The following WWOX variants were observed in gnomAD, a reference collection of about 807,000 sequenced individuals.
The protein encoded by WWOX is WW domain-containing oxidoreductase.
WWOX carries 69 observed loss-of-function variants against 46.2 expected under a neutral mutation model. The observed-to-expected ratio is 1.49, with a 90% CI of 1.23 to 1.82. The LOEUF (loss-of-function observed/expected upper bound fraction) is 1.82, where lower values mean the gene tolerates loss of function less well. WWOX is among the 40% of genes most tolerant of loss of function. WWOX has a pLI of 0.00. For synonymous variants in WWOX, 359 were observed against 202.6 expected (o/e 1.77, Z -6.56); for missense variants, 919 against 542.6 (o/e 1.69, Z -6.89).
At chr16:79,052,416 G>A (rs2048185693) in intron 8 of WWOX, among the ~76,000 whole-genome samples, 1 of 152,250 alleles carries the variant, frequency 6.6e-6, no homozygotes, top group Admixed American at 6.5e-5. Flanking sequence ...ATATGTGCCA[G>A]CCATCCCGTT....
At chr16:78,130,232 C>G (rs1157928574) in intron 4 of WWOX, 1 of 152,142 alleles carries the variant, frequency 6.6e-6, no homozygotes, top group Admixed American at 6.6e-5. Flanking sequence ...AATACAGGGG[C>G]CTCTGGGAGG....
At chr16:78,552,587 C>T (rs1425488517) in intron 8 of WWOX, 5 of 152,120 alleles carry the variant, frequency 3.3e-5, no homozygotes, top group African/African-American at 1.2e-4. Context: ...GTCAGATTTC[C>T]GCATTCAGAA....
chr16:78,163,085 A>G (rs2034849488), intron 4 of WWOX, among the ~76,000 whole-genome samples: 2 of 152,082 alleles, frequency 1.3e-5, no homozygotes, highest in South Asian at 2.1e-4. Flanking sequence ...CTGTGCATTT[A>G]TTTCCATTTG....
rs113686095 is a variant in WWOX, at chr16:78,672,499, A to G, written c.1056+239747A>G. Among the ~76,000 whole-genome samples, 7 of 152,332 alleles carry G rather than the reference A, an allele frequency of 4.6e-5. 1 individual carries two copies. The highest frequency in any genetic ancestry group is 1.7e-4 in the African/African-American group (7 of 41,586). On this transcript the variant is annotated intron_variant, in intron 8 of 8. Coordinates refer to ENST00000566780, the MANE Select transcript of WWOX (RefSeq NM_016373.4). ...TGTGATCATTCAGGCATGCACAGGTATCCTGATGGGTAGCCAGGTCATTAG... is the reference window on the plus strand; with the variant it reads ...TGTGATCATTCAGGCATGCACAGGTGTCCTGATGGGTAGCCAGGTCATTAG...
chr16:78,626,241 C>T (rs958849191), intron 8 of WWOX, among the ~76,000 whole-genome samples: 5 of 152,018 alleles, frequency 3.3e-5, no homozygotes, highest in South Asian at 4.2e-4. Flanking sequence ...AGTGATTCTC[C>T]TGCCTCAGCC....
intron 5 of WWOX, chr16:78,269,101 C>T (rs1033126021): frequency 3.9e-5 from 6 of 152,176 alleles, no homozygotes; most frequent in Non-Finnish European, 5.9e-5. Context: ...TTAAATCATT[C>T]CTTTACAGAG....
rs143296285 is a variant in WWOX at position 79,013,055 on chromosome 16, C to G, written c.1057-198553C>G. On this transcript the variant is annotated intron_variant, in intron 8 of 8. Coordinates refer to ENST00000566780, the MANE Select transcript of WWOX (RefSeq NM_016373.4). ...CTGCATGTCAGCCTGAGCAACAGAG[C>G]AAGACTCCGTTTCACAAAAAAAGGA... 2.0e-5 allele frequency among the ~76,000 whole-genome samples: 3 copies of G among 152,288 alleles called. No homozygotes were observed. The East Asian group carries it at 5.8e-4, about 29-fold the overall frequency.
chr16:78,718,955 C>A (rs973458206), intron 8 of WWOX, among the ~76,000 whole-genome samples: 1 of 151,398 alleles, frequency 6.6e-6, no homozygotes, highest in Non-Finnish European at 1.5e-5. Context: ...ATAATCTGCA[C>A]TAACCACTCA....
chr16:78,196,674 C>A (rs943707004), intron 5 of WWOX, among the ~76,000 whole-genome samples: 16 of 152,194 alleles, frequency 1.1e-4, no homozygotes, highest in Non-Finnish European at 1.5e-4. Flanking sequence ...GGGAAAAGCA[C>A]AGCCTTGCAA....
chr16:78,480,128 C>A (rs531354054), intron 8 of WWOX, among the ~76,000 whole-genome samples: 1 of 152,150 alleles, frequency 6.6e-6, no homozygotes, highest in Non-Finnish European at 1.5e-5. Flanking sequence ...ATGGTAGCCA[C>A]GTGTGACTAT....
chr16:78,915,733 C>G (rs928350697), intron 8 of WWOX, among the ~76,000 whole-genome samples: 3 of 152,062 alleles, frequency 2.0e-5, no homozygotes, highest in African/African-American at 4.8e-5. Flanking sequence ...ATCCCGTCAT[C>G]TGCCTTGATC....
chr16:79,207,932 C>T (rs2051574302), intron 8 of WWOX, among the ~76,000 whole-genome samples: 1 of 152,138 alleles, frequency 6.6e-6, no homozygotes, highest in Non-Finnish European at 1.5e-5. Context: ...AAAGCAGCTA[C>T]TTAACATTTT....
chr16:78,336,270 CA>C (rs2080885285), intron 5 of WWOX, among the ~76,000 whole-genome samples: 1 of 145,564 alleles, frequency 6.9e-6, no homozygotes, highest in African/African-American at 2.6e-5. Context: ...GTCAAGAATT[CA>C]AAACCAGCCT....
At chr16:79,179,620 A>T (rs905475949) in intron 8 of WWOX, among the ~76,000 whole-genome samples, 4 of 152,224 alleles carry the variant, frequency 2.6e-5, no homozygotes, top group Non-Finnish European at 5.9e-5. Context: ...TTGAGTGACC[A>T]TGTGGAGCAG....
chr16:78,805,117 A>C (rs2050995130), intron 8 of WWOX, among the ~76,000 whole-genome samples: 4 of 151,152 alleles, frequency 2.6e-5, no homozygotes, highest in Admixed American at 2.6e-4. Context: ...ATCACTACCA[A>C]AATATCAAAA....
intron 5 of WWOX, among the ~76,000 whole-genome samples, chr16:78,287,162 A>G (rs572567187): frequency 6.6e-6 from 1 of 152,388 alleles, no homozygotes; most frequent in Admixed American, 6.5e-5. Flanking sequence ...CGCCATAAGG[A>G]CAATAAAATA....
chr16:78,505,916 G>A (rs2085190890), intron 8 of WWOX, among the ~76,000 whole-genome samples: 1 of 152,142 alleles, frequency 6.6e-6, no homozygotes, highest in African/African-American at 2.4e-5. Context: ...ATGTGATTTG[G>A]AGAGAGAAGG....
intron 8 of WWOX, among the ~76,000 whole-genome samples, chr16:78,686,404 G>C (rs985366457): frequency 6.6e-6 from 1 of 152,092 alleles, no homozygotes; most frequent in Non-Finnish European, 1.5e-5. Context: ...CCAGCTAGTC[G>C]GGAGGCCGAG....
intron 6 of WWOX, among the ~76,000 whole-genome samples, chr16:78,403,793 T>A (rs1209846220): frequency 6.6e-6 from 1 of 152,210 alleles, no homozygotes; most frequent in East Asian, 1.9e-4. Flanking sequence ...GTCAAGTAAT[T>A]TACTGCCAGC....
Sources: allele counts gnomAD v4.1 joint callset (sites outside exome capture counted in the v4.1 genomes callset), GRCh38; gene constraint gnomAD v4.1.1; transcripts MANE v1.5; gene names NCBI Gene and HGNC (gene_info 2026-07-23, HGNC 2026-07-21).